GREB1L: variants seen among roughly 807,000 people sequenced by gnomAD.
GREB1L encodes the protein GREB1-like protein.
GREB1L carries 17 observed loss-of-function variants against 200.8 expected under a neutral mutation model. That is an observed-to-expected ratio of 0.08 (90% CI 0.06 to 0.13). The LOEUF (loss-of-function observed/expected upper bound fraction) is 0.13, where lower values mean the gene tolerates loss of function less well. Ranked by LOEUF, GREB1L falls within the 10% of genes least tolerant of loss-of-function variation. The pLI, the probability that GREB1L is intolerant of heterozygous loss-of-function variation, is 1.00. For missense variants in GREB1L, 1,657 were observed against 2,367.7 expected, an observed-to-expected ratio of 0.70 and a Z score of 6.23; for synonymous variants, 789 against 893.0, an observed-to-expected ratio of 0.88 and a Z score of 2.08.
intron 17 of GREB1L, among the ~76,000 whole-genome samples, chr18:21,482,915 T>C (rs1274444976): frequency 6.6e-6 from 1 of 152,200 alleles, no homozygotes; most frequent in Non-Finnish European, 1.5e-5. Context: ...ACCTGAAACG[T>C]ATCTTTATAG....
At chr18:21,485,792 T>A (rs1227074666) in intron 18 of GREB1L, 39 bp downstream of exon 18, 1 of 1,542,012 alleles carries the variant, frequency 6.5e-7, no homozygotes, top group African/African-American at 1.4e-5. Context: ...TCTCTCTAGC[T>A]GTACTTGCAG....
intron 1 of GREB1L, among the ~76,000 whole-genome samples, chr18:21,266,787 C>T (rs2037975685): frequency 6.6e-6 from 1 of 151,964 alleles, no homozygotes; most frequent in Admixed American, 6.6e-5. Flanking sequence ...CATTAATGAC[C>T]CTGGCAAGGA....
Position 21,250,811 on chromosome 18 carries a change from A to G in GREB1L, c.-120+8418A>G, listed in dbSNP as rs2037690184. ...ATACAGTCTGTTCTATTTTTTGGAA[A>G]GGGCACATTTATATCTCTTTGGTTT... On this transcript the variant is annotated intron_variant, in intron 1 of 32. Transcript: ENST00000424526. Among the ~76,000 whole-genome samples, 3 of 152,156 alleles carry G rather than the reference A, an allele frequency of 2.0e-5. No homozygotes were observed. The South Asian group carries it at 6.2e-4, about 32-fold the overall frequency.
chr18:21,472,607 ATATGGT>A, intron 15 of GREB1L, among the ~76,000 whole-genome samples: 1 of 151,584 alleles, frequency 6.6e-6, no homozygotes, highest in East Asian at 1.9e-4. Context: ...TTTTTCTTGT[ATATGGT>A]TTGTTGCCAA....
intron 18 of GREB1L, 43 bp downstream of exon 18, chr18:21,485,796 C>T: frequency 1.3e-6 from 2 of 1,537,428 alleles, no homozygotes; most frequent in Non-Finnish European, 1.8e-6. Flanking sequence ...TCTAGCTGTA[C>T]TTGCAGATCT....
Position 21,526,014 on chromosome 18 carries a change from A to AAGAC in GREB1L, c.*3194_*3197dup, listed in dbSNP as rs1030389870. On this transcript the variant is annotated 3_prime_UTR_variant, in exon 33 of 33. Transcript: ENST00000424526. ...TACATTCCAAAGCAGCTGCCTTGAA[A>AAGAC]AGACTATTAATTAACTGTGAAACTG... 6.6e-6 allele frequency among the ~76,000 whole-genome samples: 1 copy of AAGAC among 152,154 alleles called. No homozygotes were observed. Among genetic ancestry groups the AAGAC allele is most frequent in the African/African-American group, 2.4e-5 (1 of 41,434 alleles).
chr18:21,479,714 AT>A (rs1568044450), intron 17 of GREB1L, among the ~76,000 whole-genome samples: 1 of 152,084 alleles, frequency 6.6e-6, no homozygotes, highest in Non-Finnish European at 1.5e-5. Context: ...GAAGTGATTA[AT>A]TTTTAAGGTT....
intron 15 of GREB1L, 150 bp from the exon 16 acceptor site, chr18:21,472,881 G>T (rs2035538567): frequency 5.8e-6 from 3 of 517,138 alleles, no homozygotes; most frequent in African/African-American, 3.9e-5. Context: ...TACTGTGATG[G>T]GGAACATAAG....
Position 21,477,172 on chromosome 18 carries a change from C to T in GREB1L, c.2372C>T (p.Ser791Leu). 1 of 1,549,926 alleles carries T rather than the reference C, an allele frequency of 6.5e-7. No homozygotes were observed. The highest frequency in any genetic ancestry group is 8.7e-7 in the Non-Finnish European group (1 of 1,145,664). The change falls in exon 17 of 33, where the codon TCA (serine) becomes TTA (leucine). Residue 791 changes from serine to leucine, a missense_variant. By Grantham distance (145) the Ser-to-Leu change is moderately radical. Transcript: ENST00000424526. Reference protein sequence around the residue: ...NSHVELTSVISGSLSHSEPSH... With the variant: ...NSHVELTSVILGSLSHSEPSH... ...TTTCAATTTTTCTACAGTGTCATTT[C>T]AGGCTCTTTGTCACATAGCGAACCC... is the stretch of plus-strand genomic sequence containing the variant.
intron 1 of GREB1L, among the ~76,000 whole-genome samples, chr18:21,321,813 A>G (rs1362994195): frequency 6.6e-6 from 1 of 152,228 alleles, no homozygotes; most frequent in African/African-American, 2.4e-5. Context: ...ATAGATGTCA[A>G]AAGGGCACTT....
intron 1 of GREB1L, among the ~76,000 whole-genome samples, chr18:21,300,735 C>A (rs2038604480): frequency 6.6e-6 from 1 of 152,166 alleles, no homozygotes; most frequent in Non-Finnish European, 1.5e-5. Flanking sequence ...ATCCTATTTT[C>A]TTTCCTTTTT....
intron 15 of GREB1L, among the ~76,000 whole-genome samples, chr18:21,469,128 A>C (rs1036110008): frequency 6.6e-6 from 1 of 152,204 alleles, no homozygotes; most frequent in African/African-American, 2.4e-5. Flanking sequence ...TTCAACCACT[A>C]ATTTTTGCAT....
In GREB1L at chr18:21,441,322, T is replaced by C. The variant is rs1348027153; in HGVS notation, c.1070-78T>C. The C allele has an allele frequency of 2.5e-6, 3 of 1,199,712 alleles. No individual in the cohort carries two copies. The East Asian group carries it at 8.0e-5, about 32-fold the overall frequency. The allele number at this position is 1,199,712 out of a possible 1,614,324, so 74.3% of individuals were successfully genotyped here. A position where few individuals can be genotyped will look rare whatever the true frequency, so the allele number is the denominator to read the frequency against. On this transcript the variant is annotated intron_variant, in intron 9 of 32. Coordinates refer to ENST00000424526, the MANE Select transcript of GREB1L (RefSeq NM_001142966.3). ...ATTTCTAATGCTTCTCTGTTAAAAG[T>C]ATTAAAACTGCATTGCTTTCTATTG...
chr18:21,302,286 GGA>G (rs1331627670), intron 1 of GREB1L, among the ~76,000 whole-genome samples: 7 of 152,172 alleles, frequency 4.6e-5, no homozygotes, highest in African/African-American at 1.7e-4. Context: ...CTTTTTTGGA[GGA>G]GGTGGGGGTT....
rs1355130315 is a variant in GREB1L, at chr18:21,268,548, CACACACACACACAT to C, written c.-120+26157_-120+26170del. ...ACACACACACACACACACACACACA[CACACACACACACAT>C]ATATATATATATATATATATATATA... On this transcript the variant is annotated intron_variant, in intron 1 of 32. Coordinates refer to ENST00000424526, the MANE Select transcript of GREB1L (RefSeq NM_001142966.3). Among the ~76,000 whole-genome samples, 11 of 99,052 alleles carry C rather than the reference CACACACACACACAT, an allele frequency of 1.1e-4. No individual in the cohort carries two copies. In the South Asian group the frequency reaches 1.3e-3, roughly 12 times the overall value. The allele number at this position is 99,052 out of a possible 152,430, so 65.0% of individuals were successfully genotyped here. A position where few individuals can be genotyped will look rare whatever the true frequency, so the allele number is the denominator to read the frequency against.
intron 1 of GREB1L, among the ~76,000 whole-genome samples, chr18:21,288,877 A>G (rs1272378508): frequency 1.3e-5 from 2 of 151,992 alleles, no homozygotes; most frequent in South Asian, 2.1e-4. Context: ...AGCTGGGATT[A>G]CAGGCGCCCA....
intron 7 of GREB1L, among the ~76,000 whole-genome samples, chr18:21,430,779 A>G (rs1217209469): frequency 1.3e-5 from 2 of 149,914 alleles, no homozygotes; most frequent in Non-Finnish European, 3.0e-5. Flanking sequence ...TATTTTTAGT[A>G]GAGACGGGGT....
At chr18:21,412,079 A>T (rs2031108373) in intron 7 of GREB1L, among the ~76,000 whole-genome samples, 1 of 146,212 alleles carries the variant, frequency 6.8e-6, no homozygotes, top group African/African-American at 2.5e-5. Flanking sequence ...AAAAAAAAAT[A>T]GAATGGGTAA....
At chr18:21,424,607 A>G (rs1401115669) in intron 7 of GREB1L, among the ~76,000 whole-genome samples, 7 of 152,198 alleles carry the variant, frequency 4.6e-5, no homozygotes, top group Admixed American at 3.9e-4. Flanking sequence ...GTCTCAAAAT[A>G]AAATAAACTG....
Sources: gnomAD v4.1 joint callset for allele counts (sites outside exome capture counted in the v4.1 genomes callset) on GRCh38, gnomAD v4.1.1 for gene constraint, MANE v1.5 for transcripts, NCBI Gene and HGNC (gene_info 2026-07-23, HGNC 2026-07-21) for gene names.